The following SLFN12L variants were observed in gnomAD, a reference collection of about 807,000 sequenced individuals.
The protein encoded by SLFN12L is schlafen family member 12 like, also known as schlafen family member 12-like.
In SLFN12L, 34 loss-of-function variants were observed where a neutral mutation model predicts 34.8. That is an observed-to-expected ratio of 0.98 (90% CI 0.74 to 1.30). The LOEUF is 1.30. Among genes scored for constraint, SLFN12L ranks in the 50% most tolerant of loss-of-function variants. The pLI is 0.00. For synonymous variants in SLFN12L, 259 were observed against 247.5 expected, an observed-to-expected ratio of 1.05 and a Z score of -0.44; for missense variants, 703 against 696.2, an observed-to-expected ratio of 1.01 and a Z score of -0.11.
At chr17:35,529,229 G>A (rs936204938) in intron 1 of SLFN12L, among the ~76,000 whole-genome samples, 1 of 152,160 alleles carries the variant, frequency 6.6e-6, no homozygotes, top group African/African-American at 2.4e-5. Context: ...AAATAGGAAT[G>A]CTTTTACACT....
intron 2 of SLFN12L, among the ~76,000 whole-genome samples, chr17:35,487,471 A>ACCCCCCCCCCCCC (rs570622363): frequency 6.7e-6 from 1 of 149,520 alleles, no homozygotes; most frequent in African/African-American, 2.5e-5. Context: ...CCCACGGACC[A>ACCCCCCCCCCCCC]CCCCCCCCGG....
intron 2 of SLFN12L, chr17:35,490,653 A>C (rs1366081417): frequency 1.1e-6 from 1 of 947,602 alleles, no homozygotes; most frequent in Admixed American, 1.7e-5. Flanking sequence ...AACTGATCCC[A>C]AGCTGCACGC....
Position 35,491,280 on chromosome 17 carries a change from T to C in SLFN12L, c.87-11085A>G, listed in dbSNP as rs1914826881. 2.0e-5 allele frequency: 16 copies of C among 784,874 alleles called. 1 individual carries two copies. In the South Asian group the frequency reaches 3.3e-4, roughly 16 times the overall value. 48.6% of individuals were successfully genotyped at this position (784,874 alleles called of 1,614,324 possible). A position where few individuals can be genotyped will look rare whatever the true frequency, so the allele number is the denominator to read the frequency against. The stretch of plus-strand genomic sequence containing the variant: ...GAACTCTCCTTAAAAACCAATTTTT[T>C]TAAATCATGGAACCAGAACATATGT... On this transcript the variant is annotated intron_variant, in intron 2 of 4. Coordinates refer to ENST00000628453, the MANE Select transcript of SLFN12L (RefSeq NM_001363830.2).
chr17:35,478,314 GATATTGTGGTTAC>G (rs1567644775), intron 3 of SLFN12L, 129 bp from the exon 4 acceptor site: 2 of 587,456 alleles, frequency 3.4e-6, no homozygotes, highest in Non-Finnish European at 5.9e-6. Flanking sequence ...CAGAACATTA[GATATTGTGGTTAC>G]ATATTGTGGT....
chr17:35,530,528 AAAAG>A (rs2072399804), intron 1 of SLFN12L, among the ~76,000 whole-genome samples: 1 of 48,406 alleles, frequency 2.1e-5, no homozygotes, highest in African/African-American at 5.7e-5. Context: ...AAAAGAAAAG[AAAAG>A]AAAAGAAAAG....
At chr17:35,479,046 C>T (rs1914162391) in intron 3 of SLFN12L, 71 bp downstream of exon 3, 2 of 1,174,460 alleles carry the variant, frequency 1.7e-6, no homozygotes, top group Admixed American at 2.8e-5. Flanking sequence ...GTCCCTAATC[C>T]CAAAGATACA....
chr17:35,479,172 T>A lies in SLFN12L; in HGVS notation c.1110A>T (p.Arg370Ser). 6.3e-7 allele frequency: 1 copy of A among 1,576,708 alleles called. No individual in the cohort carries two copies. Among genetic ancestry groups the A allele is most frequent in the Non-Finnish European group, 8.6e-7 (1 of 1,159,568 alleles). ...ATTCCTTCTCGGTCAACTGCTTAACTCTGTTATCTTTCACGTGCCAGGAAT... is the reference window on the plus strand; with the variant it reads ...ATTCCTTCTCGGTCAACTGCTTAACACTGTTATCTTTCACGTGCCAGGAAT... The part of the protein sequence containing the change: ...KPDSWHVKDN[R>S]VKQLTEKEWI... Residue 370 changes from arginine to serine, a missense_variant, in exon 3 of 5, where the codon AGA becomes AGT. Transcript: ENST00000628453.
chr17:35,507,351 C>T (rs1915496130), intron 2 of SLFN12L, among the ~76,000 whole-genome samples: 1 of 152,174 alleles, frequency 6.6e-6, no homozygotes, highest in Admixed American at 6.5e-5. Context: ...ACATACTCAA[C>T]CAAATCATAT....
chr17:35,532,486 A>C (rs145441702), intron 1 of SLFN12L, among the ~76,000 whole-genome samples: 2,299 of 152,214 alleles, frequency 0.015, 34 homozygotes, highest in South Asian at 0.075. Flanking sequence ...TTTAATAAAA[A>C]ATTGATAGTG....
rs2072469820 is a variant in SLFN12L at position 35,537,127 on chromosome 17, T to A, written c.-606+446A>T. Among the ~76,000 whole-genome samples the A allele has an allele frequency of 2.6e-5, 4 of 151,400 alleles. No homozygotes were observed. The South Asian group carries it at 8.4e-4, about 32-fold the overall frequency. On this transcript the variant is annotated intron_variant, in intron 1 of 4. Coordinates refer to ENST00000628453, the MANE Select transcript of SLFN12L (RefSeq NM_001363830.2). ...CCTGGAAGGTCGAAGCTGCAGTGAG[T>A]TGTGATCGCACCACTGCACGACAGC...
chr17:35,489,899 T>C, intron 2 of SLFN12L: 1 of 911,402 alleles, frequency 1.1e-6, no homozygotes, highest in South Asian at 1.5e-5. Context: ...ATTATGACAG[T>C]TTATACAGCA....
At chr17:35,484,889 A>T (rs572813488) in intron 2 of SLFN12L, among the ~76,000 whole-genome samples, 2 of 152,200 alleles carry the variant, frequency 1.3e-5, no homozygotes, top group South Asian at 4.1e-4. Flanking sequence ...TGGGTTTTAG[A>T]TTACTGATTC....
chr17:35,511,240 A>G (rs1915633794), intron 2 of SLFN12L, among the ~76,000 whole-genome samples: 1 of 152,192 alleles, frequency 6.6e-6, no homozygotes, highest in Admixed American at 6.5e-5. Flanking sequence ...CATTTCTTAC[A>G]AGATTTTGTA....
At chr17:35,521,261 G>C (rs750311136) in intron 2 of SLFN12L, among the ~76,000 whole-genome samples, 13 of 152,150 alleles carry the variant, frequency 8.5e-5, no homozygotes, top group Admixed American at 3.9e-4. Flanking sequence ...GACAAGCAGA[G>C]TAGGAGAAAA....
intron 1 of SLFN12L, among the ~76,000 whole-genome samples, chr17:35,535,190 CTTT>C (rs35271725): frequency 1.5e-4 from 20 of 131,230 alleles, no homozygotes; most frequent in African/African-American, 4.3e-4. Context: ...TCTCTTTCTC[CTTT>C]TTTTTTTTTT....
rs9909880 is a variant in SLFN12L, at chr17:35,529,420, C to A, written c.-605-6451G>T. On this transcript the variant is annotated intron_variant, in intron 1 of 4. Coordinates refer to ENST00000628453, the MANE Select transcript of SLFN12L (RefSeq NM_001363830.2). Reference sequence around the variant, plus strand: ...CATATGTTTATTGTGGCACTATTCACAATAGCAAAGACTTGGAACCAACCC... The same window carrying A: ...CATATGTTTATTGTGGCACTATTCAAAATAGCAAAGACTTGGAACCAACCC... 4.4e-3 allele frequency among the ~76,000 whole-genome samples: 670 copies of A among 152,232 alleles called. 9 individuals carry two copies. The highest frequency in any genetic ancestry group is 0.016 in the African/African-American group (647 of 41,534).
intron 2 of SLFN12L, among the ~76,000 whole-genome samples, chr17:35,516,493 T>G (rs8070473): frequency 0.72 from 108,974 of 152,186 alleles, 39,668 homozygotes; most frequent in Admixed American, 0.79. Flanking sequence ...TTGAGATTTG[T>G]GGCTGGAAAA....
intron 2 of SLFN12L, among the ~76,000 whole-genome samples, chr17:35,506,969 G>T (rs1255289761): frequency 6.6e-6 from 1 of 152,236 alleles, no homozygotes; most frequent in Non-Finnish European, 1.5e-5. Flanking sequence ...ACCTGGTGGA[G>T]TTCAAACCAC....
chr17:35,491,158 G>A (rs1039819960), intron 2 of SLFN12L: 42 of 818,496 alleles, frequency 5.1e-5, no homozygotes, highest in African/African-American at 8.5e-5. Flanking sequence ...CCTGAGCCTC[G>A]GGGAGGAGGA....
Sources: gnomAD v4.1 joint callset for allele counts (sites outside exome capture counted in the v4.1 genomes callset) on GRCh38, gnomAD v4.1.1 for gene constraint, MANE v1.5 for transcripts, NCBI Gene and HGNC (gene_info 2026-07-23, HGNC 2026-07-21) for gene names.